The following PROC variants were observed in gnomAD, a reference collection of about 807,000 sequenced individuals.
PROC encodes the protein protein C, inactivator of coagulation factors Va and VIIIa.
Under a neutral mutation model 36.3 loss-of-function variants are expected in PROC, and 22 were observed. That is an observed-to-expected ratio of 0.61 (90% CI 0.43 to 0.86). The LOEUF (loss-of-function observed/expected upper bound fraction) is 0.86. PROC is among the 40% of genes least tolerant of loss of function. PROC has a pLI of 0.00. For synonymous variants in PROC, 218 were observed against 244.5 expected (o/e 0.89, Z 1.01); for missense variants, 526 against 629.7 (o/e 0.84, Z 1.76).
chr2:127,422,978 G>A, intron 4 of PROC, 37 bp downstream of exon 4: 2 of 1,611,860 alleles, frequency 1.2e-6, no homozygotes, highest in East Asian at 2.2e-5. Flanking sequence ...GACTACCGGC[G>A]CCCGCGCCCC....
At position 127,421,556 on chromosome 2, in the gene PROC, G is replaced by T. The variant is rs936373240; in HGVS notation, c.237+107G>T. 3.6e-6 allele frequency: 5 copies of T among 1,370,802 alleles called. No homozygotes were observed. The African/African-American group carries it at 7.2e-5, about 20-fold the overall frequency. 84.9% of individuals were successfully genotyped at this position (1,370,802 alleles called of 1,614,324 possible). On this transcript the variant is annotated intron_variant, in intron 3 of 8. Transcript: ENST00000234071. ...CAATGCTGAGGCCCTCTTAGGAGTT[G>T]TGGGGGTGGCTGAGTGGAGCGATTA...
intron 6 of PROC, among the ~76,000 whole-genome samples, chr2:127,424,366 A>G (rs1489861377): frequency 2.0e-5 from 3 of 151,840 alleles, no homozygotes; most frequent in African/African-American, 7.3e-5. Flanking sequence ...CGCCCAGCTA[A>G]TTTTGTGTTT....
intron 6 of PROC, chr2:127,423,710 C>T (rs1038654790): frequency 4.7e-6 from 2 of 422,534 alleles, no homozygotes; most frequent in Non-Finnish European, 8.4e-6. Flanking sequence ...GTGGTGGCTC[C>T]GCTCCCCAGT....
intron 6 of PROC, among the ~76,000 whole-genome samples, chr2:127,424,391 G>A (rs955335399): frequency 6.6e-6 from 1 of 152,078 alleles, no homozygotes; most frequent in African/African-American, 2.4e-5. Flanking sequence ...TAGAGAAGGG[G>A]TTTCTCCGTG....
Position 127,428,422 on chromosome 2 carries a change from C to T in PROC, c.862C>T (p.His288Tyr), listed in dbSNP as rs1688667609. The change falls in exon 9 of 9, where the codon CAC becomes TAC. Residue 288 changes from histidine to tyrosine, a missense_variant. Transcript: ENST00000234071. ...CCTGGACATCAAGGAGGTCTTCGTCCACCCCAACTACAGCAAGAGCACCAC... is the reference window on the plus strand; with the variant it reads ...CCTGGACATCAAGGAGGTCTTCGTCTACCCCAACTACAGCAAGAGCACCAC... ...LDLDIKEVFVHPNYSKSTTDN... is the reference protein window; with the variant it reads ...LDLDIKEVFVYPNYSKSTTDN... The T allele has an allele frequency of 6.2e-7, 1 of 1,614,168 alleles. No individual in the cohort carries two copies. Among genetic ancestry groups the T allele is most frequent in the South Asian group, 1.1e-5 (1 of 91,088 alleles).
intron 2 of PROC, among the ~76,000 whole-genome samples, chr2:127,420,931 G>A (rs757354528): frequency 1.3e-5 from 2 of 152,222 alleles, no homozygotes; most frequent in Non-Finnish European, 2.9e-5. Flanking sequence ...GCCAGGGACT[G>A]TATTGGATGT....
rs1478115978 is a variant in PROC, at chr2:127,429,143, G to A, written c.*197G>A. On this transcript the variant is annotated 3_prime_UTR_variant, in exon 9 of 9. Coordinates refer to ENST00000234071, the MANE Select transcript of PROC (RefSeq NM_000312.4). ...ATCTTAACTCCTAGAGCAACTCTGT[G>A]GGGTGGGGAGGAGCAGATCCAAGTT... The A allele has an allele frequency of 1.5e-6, 1 of 650,218 alleles. No individual in the cohort carries two copies. Among genetic ancestry groups the A allele is most frequent in the Non-Finnish European group, 2.6e-6 (1 of 381,692 alleles). 40.3% of individuals were successfully genotyped at this position (650,218 alleles called of 1,614,324 possible).
intron 3 of PROC, among the ~76,000 whole-genome samples, 158 bp from the exon 4 acceptor site, chr2:127,422,759 G>A (rs1261239540): frequency 1.3e-5 from 2 of 152,106 alleles, no homozygotes; most frequent in Non-Finnish European, 2.9e-5. Context: ...GGGGCAGGGA[G>A]CACCAGCTCC....
rs1381198827 is a variant in PROC, at chr2:127,428,898, T to C, written c.1338T>C (p.His446=). 3.7e-6 allele frequency: 6 copies of C among 1,613,784 alleles called. No individual in the cohort carries two copies. Among genetic ancestry groups the C allele is most frequent in the South Asian group, 1.1e-5 (1 of 91,092 alleles). The change falls in exon 9 of 9, where the codon CAT becomes CAC. Residue 446 remains histidine (H), a synonymous_variant. Transcript: ENST00000234071. ...TKVSRYLDWI[H]GHIRDKEAPQ... ...TCAGCCGCTACCTCGACTGGATCCA[T>C]GGGCACATCAGAGACAAGGAAGCCC...
chr2:127,425,865 ACT>A (rs1688461808), intron 6 of PROC, among the ~76,000 whole-genome samples: 1 of 152,000 alleles, frequency 6.6e-6, no homozygotes, highest in African/African-American at 2.4e-5. Flanking sequence ...GCCTGGTCTG[ACT>A]CTTACCATTC....
Position 127,427,092 on chromosome 2 carries a change from C to A in PROC, c.679-13C>A. The A allele has an allele frequency of 6.2e-7, 1 of 1,611,134 alleles. No homozygotes were observed. Among genetic ancestry groups the A allele is most frequent in the Middle Eastern group, 1.7e-4 (1 of 6,056 alleles). Reference sequence around the variant, plus strand: ...AGGCAGCCCTGTGATGTCATCATCCCACCCCATTCCAGGTGGTCCTGCTGG... The same window carrying A: ...AGGCAGCCCTGTGATGTCATCATCCAACCCCATTCCAGGTGGTCCTGCTGG... On this transcript the variant is annotated splice_polypyrimidine_tract_variant and intron_variant, in intron 7 of 8. Transcript: ENST00000234071.
rs1219119156 is a variant in PROC, at chr2:127,426,027, G to A, written c.536-58G>A. Reference sequence around the variant, plus strand: ...CACAGGCTGGAGGAGGACCAAGACAGGAGGGCAGTCTCGGGAGGAGTGCCT... The same window carrying A: ...CACAGGCTGGAGGAGGACCAAGACAAGAGGGCAGTCTCGGGAGGAGTGCCT... On this transcript the variant is annotated intron_variant, in intron 6 of 8. Coordinates refer to ENST00000234071, the MANE Select transcript of PROC (RefSeq NM_000312.4). The surrounding 1 kb of genome is among the most constrained non-coding windows in gnomAD (Gnocchi z 7.0). The A allele has an allele frequency of 6.2e-7, 1 of 1,611,610 alleles. No individual in the cohort carries two copies. Among genetic ancestry groups the A allele is most frequent in the Non-Finnish European group, 8.5e-7 (1 of 1,178,566 alleles).
rs1688514416 is a variant in PROC, at chr2:127,426,567, AC to A, written c.678+344del. On this transcript the variant is annotated intron_variant, in intron 7 of 8. Transcript: ENST00000234071. This position sits in a 1 kb window ranked among gnomAD's most constrained non-coding sequence, Gnocchi z 7.0. ...CTAGGAGGGAGGGCCGGGCCTGAGT[AC>A]CCCTCCAGCCTCCACATGGGAACTG... 1 of 391,266 alleles carries A rather than the reference AC, an allele frequency of 2.6e-6. No homozygotes were observed. The highest frequency in any genetic ancestry group is 2.3e-5 in the South Asian group (1 of 43,126). 24.2% of individuals were successfully genotyped at this position (391,266 alleles called of 1,614,324 possible). A position where few individuals can be genotyped will look rare whatever the true frequency, so the allele number is the denominator to read the frequency against.
Position 127,423,547 on chromosome 2 carries a change from C to T in PROC, c.535+139C>T, listed in dbSNP as rs1018086350. On this transcript the variant is annotated intron_variant, in intron 6 of 8. Coordinates refer to ENST00000234071, the MANE Select transcript of PROC (RefSeq NM_000312.4). The stretch of plus-strand genomic sequence containing the variant: ...ACAGAGTTGAGCCTTGGGGCAGCGG[C>T]AGACGCGCCCCAACACCGGGGCCAC... 30 of 1,170,530 alleles carry T rather than the reference C, an allele frequency of 2.6e-5. 1 individual carries two copies. The highest frequency in any genetic ancestry group is 2.0e-4 in the Middle Eastern group (1 of 4,988). The allele number at this position is 1,170,530 out of a possible 1,614,324, so 72.5% of individuals were successfully genotyped here. A position where few individuals can be genotyped will look rare whatever the true frequency, so the allele number is the denominator to read the frequency against.
At position 127,426,423 on chromosome 2, in the gene PROC, G is replaced by GAGGGGCAT; in HGVS notation, c.678+197_678+204dup. 1.5e-6 allele frequency: 1 copy of GAGGGGCAT among 688,980 alleles called. No individual in the cohort carries two copies. The highest frequency in any genetic ancestry group is 2.4e-6 in the Non-Finnish European group (1 of 411,318). The allele number at this position is 688,980 out of a possible 1,614,324, so 42.7% of individuals were successfully genotyped here. A position where few individuals can be genotyped will look rare whatever the true frequency, so the allele number is the denominator to read the frequency against. ...GAGGAGCAGCCAGGGTGGGTGAGGG[G>GAGGGGCAT]AGGGGCATGGGGGCATGGAGGGGTC... On this transcript the variant is annotated intron_variant, in intron 7 of 8. Coordinates refer to ENST00000234071, the MANE Select transcript of PROC (RefSeq NM_000312.4). The surrounding 1 kb of genome is among the most constrained non-coding windows in gnomAD (Gnocchi z 7.0).
At position 127,423,089 on chromosome 2, in the gene PROC, C is replaced by T. The variant is rs1183369980; in HGVS notation, c.318C>T (p.Cys106=). The T allele has an allele frequency of 1.2e-6, 2 of 1,611,576 alleles. No homozygotes were observed. The highest frequency in any genetic ancestry group is 1.1e-5 in the South Asian group (1 of 91,022). Residue 106 remains cysteine (C), a synonymous_variant, in exon 5 of 9, where the codon TGC becomes TGT. Coordinates refer to ENST00000234071, the MANE Select transcript of PROC (RefSeq NM_000312.4). The part of the protein sequence containing the change: ...PLEHPCASLC[C]GHGTCIDGIG... ...AGCACCCGTGCGCCAGCCTGTGCTG[C>T]GGGCACGGCACGTGCATCGACGGCA...
At chr2:127,421,478 G>C in intron 3 of PROC, 29 bp downstream of exon 3, 1 of 1,613,052 alleles carries the variant, frequency 6.2e-7, no homozygotes. Flanking sequence ...CAGAGGATGA[G>C]GCTCAGGGGC....
chr2:127,419,604 G>T, intron 1 of PROC: 1 of 431,674 alleles, frequency 2.3e-6, no homozygotes. Flanking sequence ...ATCAACGTTA[G>T]CTAATATTCT....
Position 127,428,931 on chromosome 2 carries a change from G to C in PROC, c.1371G>C (p.Lys457Asn). ...GHIRDKEAPQ[K>N]SWAP ...TCAGAGACAAGGAAGCCCCCCAGAA[G>C]AGCTGGGCACCTTAGCGACCCTCCC... The change falls in exon 9 of 9, where the codon AAG (lysine) becomes AAC (asparagine). Residue 457 changes from lysine (K) to asparagine (N), a missense_variant. Lys to Asn is a moderately conservative substitution (Grantham distance 94, BLOSUM62 0). Coordinates refer to ENST00000234071, the MANE Select transcript of PROC (RefSeq NM_000312.4). 6.2e-7 allele frequency: 1 copy of C among 1,613,944 alleles called. No homozygotes were observed. The highest frequency in any genetic ancestry group is 1.7e-5 in the Admixed American group (1 of 60,026).
Sources: gnomAD v4.1 joint callset for allele counts (sites outside exome capture counted in the v4.1 genomes callset) on GRCh38, gnomAD v4.1.1 for gene constraint, Gnocchi (gnomAD v3.1) non-coding constraint, MANE v1.5 for transcripts, NCBI Gene and HGNC (gene_info 2026-07-23, HGNC 2026-07-21) for gene names.